GARS1: variants seen among roughly 807,000 people sequenced by gnomAD.
GARS1 encodes the protein glycine--tRNA ligase.
In GARS1, 46 loss-of-function variants were observed where a neutral mutation model predicts 86.4. That is an observed-to-expected ratio of 0.53 (90% confidence interval 0.42 to 0.68). The LOEUF (loss-of-function observed/expected upper bound fraction) is 0.68, where lower values mean the gene tolerates loss of function less well. Ranked by LOEUF, GARS1 falls within the 30% of genes least tolerant of loss-of-function variation. The probability of loss-of-function intolerance (pLI) is 0.00; values close to 1 mark genes in which losing one functional copy is unlikely to be tolerated. For missense variants in GARS1, 797 were observed against 915.6 expected (o/e 0.87, Z 1.67); for synonymous variants, 342 against 329.8 (o/e 1.04, Z -0.40).
At chr7:30,633,440 A>G (rs1020509234) in intron 16 of GARS1, among the ~76,000 whole-genome samples, 1 of 152,222 alleles carries the variant, frequency 6.6e-6, no homozygotes, top group Non-Finnish European at 1.5e-5. Flanking sequence ...TGCCAGTCTT[A>G]TGTAATTCCC....
chr7:30,595,299 G>A (rs1310278688), intron 1 of GARS1, among the ~76,000 whole-genome samples, 156 bp downstream of exon 1: 2 of 151,900 alleles, frequency 1.3e-5, no homozygotes, highest in African/African-American at 2.4e-5. Context: ...CCCCACTTTG[G>A]TCCCAAGTCC....
At chr7:30,603,869 T>G (rs1314218266) in intron 6 of GARS1, among the ~76,000 whole-genome samples, 1 of 152,212 alleles carries the variant, frequency 6.6e-6, no homozygotes, top group Non-Finnish European at 1.5e-5. Flanking sequence ...TGACTGATGA[T>G]GGGTAGTGTT....
rs140196331 is a variant in GARS1 at position 30,606,156 on chromosome 7, G to A, written c.735+2584G>A. 6.6e-3 allele frequency among the ~76,000 whole-genome samples: 1,009 copies of A among 152,242 alleles called. 12 individuals carry two copies. The highest frequency in any genetic ancestry group is 0.023 in the African/African-American group (941 of 41,536). ...AAGCTTGACCAGGTATTTTTGGCGAGACATTTGGTTAAGTGGTGTTATGGA... is the reference window on the plus strand; with the variant it reads ...AAGCTTGACCAGGTATTTTTGGCGAAACATTTGGTTAAGTGGTGTTATGGA... On this transcript the variant is annotated intron_variant, in intron 6 of 16. Transcript: ENST00000389266.
chr7:30,602,779 A>G (rs1791407403), intron 4 of GARS1, among the ~76,000 whole-genome samples: 1 of 152,254 alleles, frequency 6.6e-6, no homozygotes, highest in Non-Finnish European at 1.5e-5. Context: ...AACTTGTAGA[A>G]AAGAATTGTC....
chr7:30,627,657 G>A (rs541333673), intron 13 of GARS1, among the ~76,000 whole-genome samples: 47 of 152,318 alleles, frequency 3.1e-4, no homozygotes, highest in African/African-American at 9.9e-4. Context: ...CCTGTAAGAT[G>A]TCTTTGATGG....
chr7:30,621,830 A>C lies in GARS1; in HGVS notation c.1467+330A>C, dbSNP rs17159289. Among the ~76,000 whole-genome samples, 7,188 of 152,310 alleles carry C rather than the reference A, an allele frequency of 0.047. 218 individuals carry two copies. Among genetic ancestry groups the C allele is most frequent in the Middle Eastern group, 0.095 (28 of 294 alleles). ...ACCTACCTACGTGCTCTTTAAATAA[A>C]GGGTACCTGGTGAAAGCTTTTTCCA... On this transcript the variant is annotated intron_variant, in intron 11 of 16. Transcript: ENST00000389266.
At chr7:30,598,720 C>A (rs775426345) in intron 1 of GARS1, 76 bp from the exon 2 acceptor site, 76 of 1,233,862 alleles carry the variant, frequency 6.2e-5, no homozygotes, top group Non-Finnish European at 9.0e-5. Flanking sequence ...TTTTAAAAGG[C>A]ACGCTTAAAA....
At chr7:30,619,775 TC>T (rs1364385302) in intron 10 of GARS1, among the ~76,000 whole-genome samples, 12 of 147,068 alleles carry the variant, frequency 8.2e-5, no homozygotes, top group African/African-American at 2.6e-4. Flanking sequence ...TTTCTTTTTT[TC>T]TTTTTTTTTT....
intron 8 of GARS1, among the ~76,000 whole-genome samples, chr7:30,612,605 C>T (rs559611078): frequency 3.1e-4 from 23 of 73,900 alleles, no homozygotes; most frequent in Middle Eastern, 0.011. Flanking sequence ...AGGGTGGGGT[C>T]GGGTGGGGGT....
chr7:30,603,366 A>G (rs1791418963), intron 5 of GARS1, 130 bp from the exon 6 acceptor site: 2 of 811,562 alleles, frequency 2.5e-6, no homozygotes, highest in Non-Finnish European at 4.1e-6. Context: ...CTGTTGTAAA[A>G]TCAACTGTGG....
chr7:30,627,477 T>C (rs537225586), intron 13 of GARS1, among the ~76,000 whole-genome samples: 5 of 152,368 alleles, frequency 3.3e-5, no homozygotes, highest in African/African-American at 1.2e-4. Flanking sequence ...TTGGTACCAA[T>C]GATCTCATTT....
intron 6 of GARS1, among the ~76,000 whole-genome samples, chr7:30,605,661 T>C (rs1226326346): frequency 6.6e-6 from 1 of 152,144 alleles, no homozygotes; most frequent in East Asian, 1.9e-4. Context: ...GGATTACACA[T>C]GTGAGCCATG....
At chr7:30,613,633 TC>T (rs1408253063) in intron 8 of GARS1, among the ~76,000 whole-genome samples, 1 of 152,202 alleles carries the variant, frequency 6.6e-6, no homozygotes, top group African/African-American at 2.4e-5. Context: ...TTGGGAGTGA[TC>T]CCAGGGGTTA....
At chr7:30,610,489 G>A (rs1253455077) in intron 7 of GARS1, among the ~76,000 whole-genome samples, 3 of 152,182 alleles carry the variant, frequency 2.0e-5, no homozygotes, top group African/African-American at 7.2e-5. Flanking sequence ...TAGATAGATC[G>A]TGTTTCCCAG....
chr7:30,620,117 T>G (rs1490626030), intron 10 of GARS1, among the ~76,000 whole-genome samples: 2 of 88,560 alleles, frequency 2.3e-5, no homozygotes, highest in Non-Finnish European at 4.7e-5. Flanking sequence ...CCAAACTCTT[T>G]GGATCAAGGG....
At chr7:30,628,807 T>C (rs538964353) in intron 14 of GARS1, 138 bp downstream of exon 14, 6 of 593,496 alleles carry the variant, frequency 1.0e-5, no homozygotes, top group South Asian at 9.4e-5. Context: ...CACTCATCTT[T>C]GCTTAAGTAT....
Position 30,632,476 on chromosome 7 carries a change from T to C in GARS1, c.2094+39T>C. On this transcript the variant is annotated intron_variant, in intron 16 of 16. Transcript: ENST00000389266. The surrounding 1 kb of genome is among the most constrained non-coding windows in gnomAD (Gnocchi z 4.1). ...TCTTTGGCATTTTTAGCCTTAGAAA[T>C]GTGTACTGCTTCTTACTGATTTGTG... 6.3e-7 allele frequency: 1 copy of C among 1,587,508 alleles called. No homozygotes were observed.
Position 30,621,424 on chromosome 7 carries a change from G to C in GARS1, c.1391G>C (p.Arg464Pro). 1 of 1,614,014 alleles carries C rather than the reference G, an allele frequency of 6.2e-7. No homozygotes were observed. Among genetic ancestry groups the C allele is most frequent in the Non-Finnish European group, 8.5e-7 (1 of 1,179,990 alleles). The change falls in exon 11 of 17, where the codon CGT becomes CCT. Residue 464 changes from arginine (R) to proline (P), a missense_variant. Arg to Pro is a moderately radical substitution (Grantham distance 103, BLOSUM62 -2). Coordinates refer to ENST00000389266, the MANE Select transcript of GARS1 (RefSeq NM_002047.4). ...GWIEIVGCAD[R>P]SCYDLSCHAR... Reference sequence around the variant, plus strand: ...ATTGAGATTGTTGGATGTGCTGATCGTTCCTGTTATGACCTCTCCTGTCAT... The same window carrying C: ...ATTGAGATTGTTGGATGTGCTGATCCTTCCTGTTATGACCTCTCCTGTCAT...
At chr7:30,605,581 G>T (rs189215455) in intron 6 of GARS1, among the ~76,000 whole-genome samples, 49 of 152,266 alleles carry the variant, frequency 3.2e-4, no homozygotes, top group Admixed American at 2.9e-3. Context: ...GGAGGGGCAC[G>T]AACATGGCTC....
Sources: allele counts gnomAD v4.1 joint callset (sites outside exome capture counted in the v4.1 genomes callset), GRCh38; gene constraint gnomAD v4.1.1; non-coding constraint Gnocchi (gnomAD v3.1); transcripts MANE v1.5; gene names NCBI Gene and HGNC (gene_info 2026-07-23, HGNC 2026-07-21).